GABRR1: variants seen among roughly 807,000 people sequenced by gnomAD.
GABRR1 encodes gamma-aminobutyric acid receptor subunit rho-1.
A neutral mutation model predicts 55.5 loss-of-function variants in GABRR1; 59 were observed. That is an observed-to-expected ratio of 1.06 (90% CI 0.86 to 1.32). The LOEUF is 1.32. GABRR1 is among the 40% of genes most tolerant of loss of function. GABRR1 has a pLI of 0.00. For missense variants in GABRR1, 602 were observed against 619.1 expected (o/e 0.97, Z 0.29); for synonymous variants, 213 against 226.0 (o/e 0.94, Z 0.51).
chr6:89,184,826 C>T (rs1771844510), intron 7 of GABRR1, among the ~76,000 whole-genome samples: 1 of 151,898 alleles, frequency 6.6e-6, no homozygotes, highest in South Asian at 2.1e-4. Flanking sequence ...TCACTTCCAC[C>T]CACTGCTTGC....
chr6:89,186,219 G>A (rs1771896904), intron 6 of GABRR1, among the ~76,000 whole-genome samples: 1 of 152,208 alleles, frequency 6.6e-6, no homozygotes. Context: ...CCTGTGTGAT[G>A]GTCAGTTTCA....
At chr6:89,179,460 T>C (rs1032740045) in intron 9 of GABRR1, among the ~76,000 whole-genome samples, 20 of 152,198 alleles carry the variant, frequency 1.3e-4, no homozygotes, top group Non-Finnish European at 2.8e-4. Context: ...TCTCAGGTGA[T>C]CCACCCGCCT....
rs767043830 is a variant in GABRR1, at chr6:89,204,690, C to T, written c.123-1205G>A. The stretch of plus-strand genomic sequence containing the variant: ...CACTGCCTTTGCCTTCATGAAGCCT[C>T]GATTCTAGCCAAGAGAAGACGGATG... On this transcript the variant is annotated intron_variant, in intron 1 of 9. Transcript: ENST00000454853. 571 of 1,283,714 alleles carry T rather than the reference C, an allele frequency of 4.4e-4. 1 individual carries two copies. The highest frequency in any genetic ancestry group is 5.4e-4 in the Non-Finnish European group (532 of 984,420). The allele number at this position is 1,283,714 out of a possible 1,614,324, so 79.5% of individuals were successfully genotyped here.
At chr6:89,225,484 A>G (rs1201679129) in intron 1 of GABRR1, among the ~76,000 whole-genome samples, 1 of 132,346 alleles carries the variant, frequency 7.6e-6, no homozygotes, top group Non-Finnish European at 1.6e-5. Flanking sequence ...CTCATTGTTC[A>G]ATTCCCACCT....
chr6:89,229,144 G>A (rs1425523255), intron 1 of GABRR1, among the ~76,000 whole-genome samples: 1 of 151,976 alleles, frequency 6.6e-6, no homozygotes, highest in Non-Finnish European at 1.5e-5. Flanking sequence ...TTTGTTTTGA[G>A]CCTATGTGTG....
rs879329557 is a variant in GABRR1, at chr6:89,230,754, T to A, written c.-411+462A>T. ...CTGCCCCCAGAGGTGGAGCCTACAGTGGCAGGCAGGCCTCCTTGAGCTGTG... is the reference window on the plus strand; with the variant it reads ...CTGCCCCCAGAGGTGGAGCCTACAGAGGCAGGCAGGCCTCCTTGAGCTGTG... On this transcript the variant is annotated intron_variant, in intron 1 of 11. Transcript: ENST00000369451. Among the ~76,000 whole-genome samples the A allele has an allele frequency of 4.0e-3, 612 of 151,554 alleles. 6 individuals are homozygous for A. The highest frequency in any genetic ancestry group is 0.013 in the African/African-American group (549 of 41,208).
chr6:89,188,062 G>C (rs922551271), intron 6 of GABRR1, among the ~76,000 whole-genome samples: 1 of 151,554 alleles, frequency 6.6e-6, no homozygotes, highest in Non-Finnish European at 1.5e-5. Context: ...TCTCACCCAG[G>C]CTGGAGTGCA....
chr6:89,208,832 A>G (rs1359845216), intron 1 of GABRR1, among the ~76,000 whole-genome samples: 1 of 152,016 alleles, frequency 6.6e-6, no homozygotes, highest in Non-Finnish European at 1.5e-5. Context: ...CAGTGCGAAC[A>G]CTCCTTGACC....
chr6:89,190,089 T>C, intron 6 of GABRR1, 76 bp downstream of exon 6: 3 of 1,015,984 alleles, frequency 3.0e-6, no homozygotes, highest in Non-Finnish European at 4.4e-6. Flanking sequence ...ACACACACTG[T>C]TCCTGCAGCT....
In GABRR1 at chr6:89,214,716, A is replaced by G. The variant is rs550901522; in HGVS notation, c.122+2485T>C. 4.6e-5 allele frequency among the ~76,000 whole-genome samples: 7 copies of G among 152,328 alleles called. No individual in the cohort carries two copies. The East Asian group carries it at 1.4e-3, about 29-fold the overall frequency. On this transcript the variant is annotated intron_variant, in intron 1 of 9. Coordinates refer to ENST00000454853, the MANE Select transcript of GABRR1 (RefSeq NM_002042.5). ...CCACAGTGAGATATCATCTCACACCAGTCGGAATGGCTATTATCAAAAAGA... is the reference window on the plus strand; with the variant it reads ...CCACAGTGAGATATCATCTCACACCGGTCGGAATGGCTATTATCAAAAAGA...
chr6:89,203,565 A>T (rs1273158321), intron 1 of GABRR1, 80 bp from the exon 2 acceptor site: 1 of 1,030,482 alleles, frequency 9.7e-7, no homozygotes, highest in Non-Finnish European at 1.5e-6. Flanking sequence ...CTCCCTCCAG[A>T]TTTGCTTCAA....
chr6:89,222,717 T>G (rs55776984), intron 1 of GABRR1, among the ~76,000 whole-genome samples: 2 of 152,380 alleles, frequency 1.3e-5, no homozygotes, highest in Non-Finnish European at 2.9e-5. Context: ...CTTTACTTAT[T>G]AATTTACGAT....
At chr6:89,215,474 TA>T (rs1310570018) in intron 1 of GABRR1, among the ~76,000 whole-genome samples, 7 of 152,186 alleles carry the variant, frequency 4.6e-5, no homozygotes, top group Non-Finnish European at 7.3e-5. Context: ...ATGTGAAATC[TA>T]AAACAACAGA....
At chr6:89,201,299 A>G (rs763981737) in intron 2 of GABRR1, 34 bp from the exon 3 acceptor site, 2 of 1,401,664 alleles carry the variant, frequency 1.4e-6, no homozygotes. Flanking sequence ...CTGATCATAT[A>G]TTCCAACCAA....
At chr6:89,181,217 A>G (rs766413516) in intron 8 of GABRR1, among the ~76,000 whole-genome samples, 1 of 152,206 alleles carries the variant, frequency 6.6e-6, no homozygotes, top group Admixed American at 6.5e-5. Context: ...GCAAACATCA[A>G]ATCACAGGGG....
Position 89,178,792 on chromosome 6 carries a change from A to G in GABRR1, c.1418T>C (p.Ile473Thr), listed in dbSNP as rs1239783523. 5 of 1,613,758 alleles carry G rather than the reference A, an allele frequency of 3.1e-6. No individual in the cohort carries two copies. Among genetic ancestry groups the G allele is most frequent in the African/African-American group, 1.3e-5 (1 of 74,910 alleles). ...CATCTAGGAGAAAATAGACCAGTAT[A>G]TTAAATTGAATAAAATGTATGCTGC... ...FPAAYILFNLIYWSIFS is the reference protein window; with the variant it reads ...FPAAYILFNLTYWSIFS The change falls in exon 10 of 10, where the codon ATA becomes ACA. Residue 473 changes from isoleucine (I) to threonine (T), a missense_variant. Ile to Thr is a moderately conservative substitution (Grantham distance 89). Around this residue, in one of 3 missense-constraint regions of GABRR1, gnomAD observed 139 missense variants for 141.1 expected, o/e 0.99. Transcript: ENST00000454853.
intron 8 of GABRR1, among the ~76,000 whole-genome samples, chr6:89,181,614 A>C (rs1359776343): frequency 1.3e-5 from 2 of 152,184 alleles, no homozygotes; most frequent in Non-Finnish European, 2.9e-5. Context: ...TTCATTTTGC[A>C]GGTGAGCAAA....
intron 6 of GABRR1, among the ~76,000 whole-genome samples, chr6:89,189,216 G>A (rs1324670459): frequency 6.6e-6 from 1 of 151,986 alleles, no homozygotes; most frequent in Non-Finnish European, 1.5e-5. Context: ...GCACACGTAT[G>A]TTTATTGCGG....
intron 1 of GABRR1, among the ~76,000 whole-genome samples, chr6:89,230,496 C>A (rs1444165985): frequency 6.6e-6 from 1 of 151,940 alleles, no homozygotes; most frequent in African/African-American, 2.4e-5. Flanking sequence ...GGACCCTCAG[C>A]TGCAGGTCTG....
Sources: allele counts gnomAD v4.1 joint callset (sites outside exome capture counted in the v4.1 genomes callset), GRCh38; gene constraint gnomAD v4.1.1; regional missense constraint gnomAD v4.1.1; transcripts MANE v1.5; gene names NCBI Gene and HGNC (gene_info 2026-07-23, HGNC 2026-07-21).